Variants in ACTN4 observed in about 807,000 individuals in gnomAD.
The protein encoded by ACTN4 is actinin alpha 4.
Under a neutral mutation model 114.2 loss-of-function variants are expected in ACTN4, and 18 were observed. That is an observed-to-expected ratio of 0.16 (90% confidence interval 0.11 to 0.23). ACTN4 has a LOEUF of 0.23. Ranked by LOEUF, ACTN4 falls within the 10% of genes least tolerant of loss-of-function variation. The probability of loss-of-function intolerance (pLI) is 1.00; values close to 1 mark genes in which losing one functional copy is unlikely to be tolerated. For synonymous variants in ACTN4, 515 were observed against 506.3 expected (o/e 1.02, Z -0.23); for missense variants, 722 against 1,262.9 (o/e 0.57, Z 6.49).
chr19:38,704,841 A>T, intron 3 of ACTN4, 93 bp from the exon 4 acceptor site: 1 of 1,145,250 alleles, frequency 8.7e-7, no homozygotes, highest in Non-Finnish European at 1.3e-6. Context: ...GCCTTTCTCT[A>T]GATGGGGCTG....
rs1281228824 is a variant in ACTN4, at chr19:38,730,791, T to C, written c.*1359T>C. 1 of 1,541,796 alleles carries C rather than the reference T, an allele frequency of 6.5e-7. No homozygotes were observed. Among genetic ancestry groups the C allele is most frequent in the Non-Finnish European group, 8.8e-7 (1 of 1,140,170 alleles). Reference sequence around the variant, plus strand: ...AGTGGCACCCATGCCAGGCAAGGCCTAGGGAGGTGGTCTTGCTCAGCAACC... The same window carrying C: ...AGTGGCACCCATGCCAGGCAAGGCCCAGGGAGGTGGTCTTGCTCAGCAACC... On this transcript the variant is annotated 3_prime_UTR_variant, in exon 21 of 21. Transcript: ENST00000252699.
chr19:38,724,672 G>A lies in ACTN4; in HGVS notation c.2010+107G>A, dbSNP rs898003289. ...CCTGCAGACTGAGGCGCCTGGCAGA[G>A]CAGGTCCCAATTCTCACCACCCAGG... On this transcript the variant is annotated intron_variant, in intron 16 of 20. Coordinates refer to ENST00000252699, the MANE Select transcript of ACTN4 (RefSeq NM_004924.6). The surrounding 1 kb of genome is among the most constrained non-coding windows in gnomAD (Gnocchi z 7.0). The A allele has an allele frequency of 1.3e-6, 2 of 1,565,884 alleles. No homozygotes were observed. Among genetic ancestry groups the A allele is most frequent in the African/African-American group, 2.7e-5 (2 of 74,166 alleles).
At chr19:38,680,062 C>T (rs1400752988) in intron 1 of ACTN4, among the ~76,000 whole-genome samples, 1 of 152,064 alleles carries the variant, frequency 6.6e-6, no homozygotes, top group Non-Finnish European at 1.5e-5. Flanking sequence ...ATGCCCATGC[C>T]TGTAGTCCTG....
intron 1 of ACTN4, among the ~76,000 whole-genome samples, chr19:38,699,033 C>T (rs181027778): frequency 1.3e-5 from 2 of 152,338 alleles, no homozygotes; most frequent in African/African-American, 4.8e-5. Context: ...TGCTTCTACA[C>T]TGGCCCCTGC....
intron 1 of ACTN4, among the ~76,000 whole-genome samples, chr19:38,669,713 G>A (rs1204526023): frequency 6.6e-6 from 1 of 152,196 alleles, no homozygotes; most frequent in Non-Finnish European, 1.5e-5. Flanking sequence ...GCCTCAGGAA[G>A]TTGGTGAGGT....
intron 1 of ACTN4, among the ~76,000 whole-genome samples, chr19:38,670,614 A>G (rs1017205962): frequency 6.6e-6 from 1 of 152,184 alleles, no homozygotes; most frequent in South Asian, 2.1e-4. Flanking sequence ...GGAGAGTTTT[A>G]TGGGGCATTT....
At chr19:38,722,956 G>A (rs893990258) in intron 12 of ACTN4, among the ~76,000 whole-genome samples, 1 of 152,220 alleles carries the variant, frequency 6.6e-6, no homozygotes, top group Non-Finnish European at 1.5e-5. Context: ...ACAGAGGCCT[G>A]TGGACCGTCC....
At chr19:38,665,321 CCTT>C (rs544276718) in intron 1 of ACTN4, among the ~76,000 whole-genome samples, 270 of 152,302 alleles carry the variant, frequency 1.8e-3, no homozygotes, top group Admixed American at 4.2e-3. Flanking sequence ...GCCTCAGTGT[CCTT>C]CTTTGAAAAG....
intron 1 of ACTN4, among the ~76,000 whole-genome samples, chr19:38,652,000 C>T (rs1024112496): frequency 1.3e-5 from 2 of 152,170 alleles, no homozygotes; most frequent in Non-Finnish European, 2.9e-5. Context: ...TCCCAAAGTG[C>T]TGGGATTACA....
intron 1 of ACTN4, among the ~76,000 whole-genome samples, chr19:38,670,005 G>A (rs62121815): frequency 5.3e-5 from 8 of 152,152 alleles, no homozygotes; most frequent in Non-Finnish European, 7.3e-5. Context: ...CACTCTTAGC[G>A]CCAATTGGAA....
At chr19:38,675,993 G>C (rs1967362516) in intron 1 of ACTN4, among the ~76,000 whole-genome samples, 1 of 152,180 alleles carries the variant, frequency 6.6e-6, no homozygotes, top group African/African-American at 2.4e-5. Flanking sequence ...TGGGACCTTG[G>C]GCAAGGAAGT....
At chr19:38,706,429 A>G (rs1190414485) in intron 5 of ACTN4, among the ~76,000 whole-genome samples, 3 of 152,112 alleles carry the variant, frequency 2.0e-5, no homozygotes, top group Non-Finnish European at 4.4e-5. Flanking sequence ...AAAGCTTTTC[A>G]TTTTTGAGAC....
chr19:38,701,184 A>G (rs1472400971), intron 3 of ACTN4, 63 bp downstream of exon 3: 4 of 1,608,788 alleles, frequency 2.5e-6, no homozygotes, highest in Non-Finnish European at 2.5e-6. Flanking sequence ...TCTGAAGCAC[A>G]ACATCTGCAT....
chr19:38,727,960 G>T lies in ACTN4; in HGVS notation c.2352G>T (p.Ala784=), dbSNP rs777328674. 2 of 1,612,102 alleles carry T rather than the reference G, an allele frequency of 1.2e-6. No individual in the cohort carries two copies. The highest frequency in any genetic ancestry group is 1.1e-5 in the South Asian group (1 of 90,992). ...FNHFDKDHGG[A]LGPEEFKACL... ...GGCCCCGGCAGGATCATGGCGGGGC[G>T]CTGGGGCCCGAGGAGTTCAAGGCCT... Residue 784 remains alanine, a synonymous_variant, in exon 19 of 21, where the codon GCG becomes GCT. Transcript: ENST00000252699. The surrounding 1 kb of genome is among the most constrained non-coding windows in gnomAD (Gnocchi z 5.4).
In ACTN4 at chr19:38,697,102, G is replaced by A. The variant is rs1160399704; in HGVS notation, c.163-3498G>A. Among the ~76,000 whole-genome samples the A allele has an allele frequency of 2.0e-5, 3 of 151,434 alleles. No homozygotes were observed. The East Asian group carries it at 5.8e-4, about 29-fold the overall frequency. ...AGATGTGAATCCGCACCTGTGTGATGCCCAAGCCAGAGCTCTTGTTTACTA... is the reference window on the plus strand; with the variant it reads ...AGATGTGAATCCGCACCTGTGTGATACCCAAGCCAGAGCTCTTGTTTACTA... On this transcript the variant is annotated intron_variant, in intron 1 of 20. Transcript: ENST00000252699.
In ACTN4 at chr19:38,724,497, G is replaced by A. The variant is rs776537961; in HGVS notation, c.1942G>A (p.Glu648Lys). The change falls in exon 16 of 21, where the codon GAG becomes AAG. Residue 648 changes from glutamate to lysine, a missense_variant. Glu to Lys is a moderately conservative substitution (Grantham distance 56). Transcript: ENST00000252699. This position sits in a 1 kb window ranked among gnomAD's most constrained non-coding sequence, Gnocchi z 7.0. ...GGAGCAGAGCAAGCAGCAGTCCAAC[G>A]AGCACCTGCGCCGCCAGTTCGCCAG... Reference protein sequence around the residue: ...LEEQSKQQSNEHLRRQFASQA... With the variant: ...LEEQSKQQSNKHLRRQFASQA... 1.2e-6 allele frequency: 2 copies of A among 1,613,226 alleles called. No individual in the cohort carries two copies. Among genetic ancestry groups the A allele is most frequent in the East Asian group, 2.2e-5 (1 of 44,900 alleles).
chr19:38,672,373 TG>T (rs1336985438), intron 1 of ACTN4, among the ~76,000 whole-genome samples: 1 of 151,348 alleles, frequency 6.6e-6, no homozygotes, highest in Non-Finnish European at 1.5e-5. Flanking sequence ...CCTGAGTAGC[TG>T]GGACCACAGA....
At chr19:38,723,748 G>A (rs990825246) in intron 13 of ACTN4, 26 bp downstream of exon 13, 4 of 1,564,208 alleles carry the variant, frequency 2.6e-6, no homozygotes, top group East Asian at 4.6e-5. Flanking sequence ...CATCACCCAC[G>A]GAGCTCTGTG....
At position 38,700,695 on chromosome 19, in the gene ACTN4, G is replaced by A. The variant is rs2144992287; in HGVS notation, c.258G>A (p.Leu86=). ...TCCGAGACGGGCTCAAGCTCATGCT[G>A]CTCCTGGAGGTCATATCAGGTGAGA... is the stretch of plus-strand genomic sequence containing the variant. ...EDFRDGLKLM[L]LLEVISGERL... The change falls in exon 2 of 21, where the codon CTG becomes CTA. Residue 86 remains leucine (L), a synonymous_variant. Coordinates refer to ENST00000252699, the MANE Select transcript of ACTN4 (RefSeq NM_004924.6). 1.2e-6 allele frequency: 2 copies of A among 1,613,922 alleles called. No homozygotes were observed. The highest frequency in any genetic ancestry group is 4.5e-5 in the East Asian group (2 of 44,882).
Sources: allele counts gnomAD v4.1 joint callset (sites outside exome capture counted in the v4.1 genomes callset), GRCh38; gene constraint gnomAD v4.1.1; non-coding constraint Gnocchi (gnomAD v3.1); transcripts MANE v1.5; gene names NCBI Gene and HGNC (gene_info 2026-07-23, HGNC 2026-07-21).